The following NME8 variants were observed in gnomAD, a reference collection of about 807,000 sequenced individuals.
NME8 encodes protein NME8.
In NME8, 72 loss-of-function variants were observed where a neutral mutation model predicts 82.3. The observed-to-expected ratio is 0.87, with a 90% CI of 0.72 to 1.06. The LOEUF is 1.06. Among genes scored for constraint, NME8 ranks in the 50% least tolerant of loss-of-function variants. The pLI is 0.00. For synonymous variants in NME8, 267 were observed against 228.5 expected (o/e 1.17, Z -1.52); for missense variants, 712 against 685.4 (o/e 1.04, Z -0.43).
intron 6 of NME8, among the ~76,000 whole-genome samples, chr7:37,860,601 A>C (rs1360787210): frequency 6.6e-6 from 1 of 152,170 alleles, no homozygotes; most frequent in East Asian, 1.9e-4. Context: ...TATTGACTTT[A>C]TCAGGCTGTA....
At chr7:37,898,931 A>G (rs1044035592) in intron 17 of NME8, among the ~76,000 whole-genome samples, 1 of 152,234 alleles carries the variant, frequency 6.6e-6, no homozygotes, top group African/African-American at 2.4e-5. Context: ...AATAAGGAAG[A>G]ATGATTTCTC....
intron 12 of NME8, among the ~76,000 whole-genome samples, chr7:37,883,876 G>A (rs1785000802): frequency 6.6e-6 from 1 of 151,720 alleles, no homozygotes; most frequent in Non-Finnish European, 1.5e-5. Flanking sequence ...TCCCCAAATG[G>A]GACAAATCAA....
intron 11 of NME8, among the ~76,000 whole-genome samples, chr7:37,872,213 A>G (rs1270582139): frequency 1.3e-5 from 2 of 152,242 alleles, no homozygotes; most frequent in Non-Finnish European, 2.9e-5. Context: ...TCCTTGCCCT[A>G]GCTAGGTCTC....
chr7:37,873,370 A>AAAAAAAG (rs796807809), intron 11 of NME8, among the ~76,000 whole-genome samples: 2 of 147,034 alleles, frequency 1.4e-5, no homozygotes, highest in Admixed American at 7.3e-5. Context: ...AAAAAAAAAA[A>AAAAAAAG]AAAAGAAAAG....
intron 9 of NME8, among the ~76,000 whole-genome samples, chr7:37,864,982 A>G (rs1784656017): frequency 6.6e-6 from 1 of 152,196 alleles, no homozygotes; most frequent in African/African-American, 2.4e-5. Flanking sequence ...ACACATGGGA[A>G]TTGTGGGAGT....
intron 11 of NME8, among the ~76,000 whole-genome samples, chr7:37,873,375 G>GAAAAA (rs1784800650): frequency 3.1e-5 from 3 of 96,848 alleles, no homozygotes; most frequent in Non-Finnish European, 4.6e-5. Flanking sequence ...AAAAAAAAAA[G>GAAAAA]AAAAGAAAAT....
At chr7:37,865,258 G>A (rs576313928) in intron 9 of NME8, among the ~76,000 whole-genome samples, 4 of 152,308 alleles carry the variant, frequency 2.6e-5, no homozygotes, top group African/African-American at 9.6e-5. Flanking sequence ...TGCAGGTATT[G>A]GGTAAATACA....
In NME8 at chr7:37,888,267, T is replaced by C; in HGVS notation, c.1248-10T>C. The C allele has an allele frequency of 6.2e-7, 1 of 1,613,250 alleles. No individual in the cohort carries two copies. The highest frequency in any genetic ancestry group is 8.5e-7 in the Non-Finnish European group (1 of 1,179,384). On this transcript the variant is annotated splice_polypyrimidine_tract_variant and intron_variant, in intron 14 of 17. Transcript: ENST00000199447. ...TCTAATAGCTTTTAAACCTGACTTC[T>C]TTTTCAAAGTTTATGTGCACAGTTT...
At chr7:37,855,593 T>C (rs1347165061) in intron 5 of NME8, among the ~76,000 whole-genome samples, 1 of 152,194 alleles carries the variant, frequency 6.6e-6, no homozygotes, top group Non-Finnish European at 1.5e-5. Context: ...TTAATTATTT[T>C]CTTAAAGGCA....
At chr7:37,898,484 C>T (rs1416888584) in intron 17 of NME8, among the ~76,000 whole-genome samples, 6 of 152,000 alleles carry the variant, frequency 3.9e-5, no homozygotes, top group Non-Finnish European at 7.4e-5. Context: ...TGTCCATTAA[C>T]AAAACAATGA....
intron 9 of NME8, among the ~76,000 whole-genome samples, chr7:37,864,657 T>C (rs775859437): frequency 6.6e-5 from 10 of 152,160 alleles, no homozygotes; most frequent in Non-Finnish European, 1.2e-4. Flanking sequence ...AAAATTATAG[T>C]TCTTATACTA....
At chr7:37,896,021 G>T (rs1048328197) in intron 16 of NME8, among the ~76,000 whole-genome samples, 1 of 151,920 alleles carries the variant, frequency 6.6e-6, no homozygotes, top group South Asian at 2.1e-4. Context: ...GTACATGACT[G>T]TACATACACA....
chr7:37,873,520 A>G (rs111978971), intron 11 of NME8, among the ~76,000 whole-genome samples: 1 of 150,168 alleles, frequency 6.7e-6, no homozygotes. Context: ...GTATGTCTGT[A>G]TATATTAATC....
intron 15 of NME8, 130 bp downstream of exon 15, chr7:37,888,558 C>A (rs1785078777): frequency 1.3e-6 from 1 of 743,104 alleles, no homozygotes; most frequent in Admixed American, 2.4e-5. Flanking sequence ...GATGAGTACT[C>A]CTATCCTTCA....
chr7:37,851,942 T>C (rs1784443692), intron 5 of NME8, among the ~76,000 whole-genome samples: 1 of 152,158 alleles, frequency 6.6e-6, no homozygotes, highest in South Asian at 2.1e-4. Context: ...TATTTCACTA[T>C]CCATCCCCTT....
intron 16 of NME8, among the ~76,000 whole-genome samples, chr7:37,896,487 G>A (rs1667820637): frequency 6.6e-6 from 1 of 152,206 alleles, no homozygotes; most frequent in South Asian, 2.1e-4. Context: ...GTTACTTGAA[G>A]TAGGCCATCC....
At position 37,857,256 on chromosome 7, in the gene NME8, A is replaced by G; in HGVS notation, c.199-18A>G. On this transcript the variant is annotated intron_variant, in intron 5 of 17. Transcript: ENST00000199447. ...TATAGTTTTATTTATTATTATATGA[A>G]ATGTTTACTTTTTCCAGGCAGAAGC... 6.3e-7 allele frequency: 1 copy of G among 1,576,236 alleles called. No homozygotes were observed. Among genetic ancestry groups the G allele is most frequent in the Non-Finnish European group, 8.7e-7 (1 of 1,147,292 alleles).
At chr7:37,854,953 T>C (rs1784490522) in intron 5 of NME8, among the ~76,000 whole-genome samples, 1 of 152,200 alleles carries the variant, frequency 6.6e-6, no homozygotes, top group African/African-American at 2.4e-5. Context: ...TTGCAGCTTT[T>C]TCTATAACAA....
intron 15 of NME8, 90 bp from the exon 16 acceptor site, chr7:37,894,376 A>G (rs1189313204): frequency 2.2e-6 from 3 of 1,355,988 alleles, no homozygotes; most frequent in Non-Finnish European, 3.2e-6. Flanking sequence ...TGCAAATTAA[A>G]CTATCATTTT....
Sources: gnomAD v4.1 joint callset for allele counts (sites outside exome capture counted in the v4.1 genomes callset) on GRCh38, gnomAD v4.1.1 for gene constraint, MANE v1.5 for transcripts, NCBI Gene and HGNC (gene_info 2026-07-23, HGNC 2026-07-21) for gene names.